The following ANKIB1 variants were observed in gnomAD, a reference collection of about 807,000 sequenced individuals.
The protein encoded by ANKIB1 is ankyrin repeat and IBR domain-containing protein 1.
A neutral mutation model predicts 122.1 loss-of-function variants in ANKIB1; 43 were observed. The observed-to-expected ratio is 0.35, with a 90% CI of 0.28 to 0.45. The LOEUF is 0.45. ANKIB1 is among the 20% of genes least tolerant of loss of function. The probability of loss-of-function intolerance (pLI) is 1.00; values close to 1 mark genes in which losing one functional copy is unlikely to be tolerated. For missense variants in ANKIB1, 992 were observed against 1,329.5 expected, an observed-to-expected ratio of 0.75 and a Z score of 3.95; for synonymous variants, 390 against 442.0, an observed-to-expected ratio of 0.88 and a Z score of 1.48.
intron 4 of ANKIB1, among the ~76,000 whole-genome samples, chr7:92,320,319 T>G (rs1305597599): frequency 6.6e-6 from 1 of 152,184 alleles, no homozygotes; most frequent in Non-Finnish European, 1.5e-5. Context: ...TTTCTTCCCT[T>G]CTACTCTGAT....
At chr7:92,296,327 ATCC>A (rs1002246393) in intron 2 of ANKIB1, among the ~76,000 whole-genome samples, 10 of 151,880 alleles carry the variant, frequency 6.6e-5, no homozygotes, top group Non-Finnish European at 1.3e-4. Flanking sequence ...GACTCAAGCT[ATCC>A]TCCTACCTCA....
chr7:92,399,008 A>G lies in ANKIB1; in HGVS notation c.*59A>G, dbSNP rs1804961084. ...GTACAGATGGTATGCTAGGTGGAGT[A>G]TGCTTGATAGAGACTTTGATTCACT... On this transcript the variant is annotated 3_prime_UTR_variant, in exon 20 of 20. Transcript: ENST00000265742. 6.8e-7 allele frequency: 1 copy of G among 1,474,222 alleles called. No individual in the cohort carries two copies. Among genetic ancestry groups the G allele is most frequent in the Admixed American group, 2.6e-5 (1 of 39,206 alleles). 91.3% of individuals were successfully genotyped at this position (1,474,222 alleles called of 1,614,324 possible).
rs772951916 is a variant in ANKIB1, at chr7:92,352,531, G to A, written c.1286G>A (p.Arg429Lys). ...IKWCPTPGCD[R>K]AVRLTKQGSN... ...TGGTGTCCTACTCCAGGCTGTGACAGAGCAGTAAGACTAACGAAACAAGGG... is the reference window on the plus strand; with the variant it reads ...TGGTGTCCTACTCCAGGCTGTGACAAAGCAGTAAGACTAACGAAACAAGGG... The change falls in exon 9 of 20, where the codon AGA becomes AAA. Residue 429 changes from arginine to lysine, a missense_variant. Physicochemically the swap from Arg to Lys is conservative, Grantham distance 26. Around this residue, in one of 4 missense-constraint regions of ANKIB1, gnomAD observed 521 missense variants for 777.7 expected, o/e 0.67. Coordinates refer to ENST00000265742, the MANE Select transcript of ANKIB1 (RefSeq NM_019004.2). The A allele has an allele frequency of 1.2e-6, 2 of 1,613,852 alleles. No homozygotes were observed. Among genetic ancestry groups the A allele is most frequent in the Non-Finnish European group, 1.7e-6 (2 of 1,179,826 alleles).
At chr7:92,273,209 G>A (rs1801834142) in intron 1 of ANKIB1, among the ~76,000 whole-genome samples, 1 of 152,152 alleles carries the variant, frequency 6.6e-6, no homozygotes, top group African/African-American at 2.4e-5. Context: ...ACTTATTTGA[G>A]CATGAACAAT....
chr7:92,271,728 A>C (rs889785242), intron 1 of ANKIB1, among the ~76,000 whole-genome samples: 6 of 152,250 alleles, frequency 3.9e-5, no homozygotes, highest in Non-Finnish European at 8.8e-5. Context: ...ATTGAGTAGA[A>C]TATTCGGAAG....
intron 1 of ANKIB1, among the ~76,000 whole-genome samples, chr7:92,261,583 G>A (rs1025938870): frequency 1.5e-4 from 23 of 152,194 alleles, no homozygotes; most frequent in African/African-American, 5.3e-4. Flanking sequence ...TAACTTTAAA[G>A]CCATAGCTTT....
chr7:92,347,142 C>G (rs528185826), intron 7 of ANKIB1, among the ~76,000 whole-genome samples: 3 of 152,270 alleles, frequency 2.0e-5, no homozygotes, highest in Non-Finnish European at 4.4e-5. Context: ...CTTATTCTTC[C>G]CAAACTTTTT....
chr7:92,274,300 C>T (rs1299280160), intron 1 of ANKIB1, among the ~76,000 whole-genome samples: 3 of 152,082 alleles, frequency 2.0e-5, no homozygotes, highest in South Asian at 2.1e-4. Flanking sequence ...AACCTAAGCT[C>T]ACCTTAGAGC....
Position 92,296,513 on chromosome 7 carries a change from C to G in ANKIB1, c.188+1347C>G, listed in dbSNP as rs1420139068. Among the ~76,000 whole-genome samples, 3 of 152,144 alleles carry G rather than the reference C, an allele frequency of 2.0e-5. No individual in the cohort carries two copies. In the South Asian group the frequency reaches 6.2e-4, roughly 31 times the overall value. The stretch of plus-strand genomic sequence containing the variant: ...GGGTCTTTTTTATCTAAATTTTGCT[C>G]TTCAAGATCCTGTGTGTGCCACATC... On this transcript the variant is annotated intron_variant, in intron 2 of 19. Coordinates refer to ENST00000265742, the MANE Select transcript of ANKIB1 (RefSeq NM_019004.2).
chr7:92,343,539 A>C (rs1803477039), intron 6 of ANKIB1, among the ~76,000 whole-genome samples: 1 of 152,176 alleles, frequency 6.6e-6, no homozygotes, highest in African/African-American at 2.4e-5. Context: ...TTAATGATTT[A>C]AATACAGGCC....
At position 92,347,808 on chromosome 7, in the gene ANKIB1, T is replaced by C. The variant is rs548396361; in HGVS notation, c.1085+2742T>C. 281 of 199,184 alleles carry C rather than the reference T, an allele frequency of 1.4e-3. 1 individual carries two copies. Among genetic ancestry groups the C allele is most frequent in the Admixed American group, 2.3e-3 (37 of 16,016 alleles). 12.3% of individuals were successfully genotyped at this position (199,184 alleles called of 1,614,324 possible). On this transcript the variant is annotated intron_variant, in intron 7 of 19. Transcript: ENST00000265742. ...CTGCCTGTTCCTCAGTTTCCTAATCTATAAAGTGGTGATAATAGTATGTGC... is the reference window on the plus strand; with the variant it reads ...CTGCCTGTTCCTCAGTTTCCTAATCCATAAAGTGGTGATAATAGTATGTGC...
intron 5 of ANKIB1, among the ~76,000 whole-genome samples, chr7:92,339,651 G>A (rs1803392775): frequency 6.6e-6 from 1 of 152,152 alleles, no homozygotes; most frequent in African/African-American, 2.4e-5. Context: ...TACAAGCTCT[G>A]CCCTTAAATA....
At chr7:92,327,373 C>T (rs986405524) in intron 4 of ANKIB1, among the ~76,000 whole-genome samples, 3 of 152,170 alleles carry the variant, frequency 2.0e-5, no homozygotes, top group Non-Finnish European at 4.4e-5. Flanking sequence ...GTACAGTCAT[C>T]CCTCAGTATC....
chr7:92,300,205 T>A (rs1802433391), intron 2 of ANKIB1, among the ~76,000 whole-genome samples: 1 of 152,210 alleles, frequency 6.6e-6, no homozygotes, highest in African/African-American at 2.4e-5. Context: ...TGTCTGTCCC[T>A]GTCATGTGGT....
chr7:92,346,239 A>G (rs1803536994), intron 7 of ANKIB1, among the ~76,000 whole-genome samples: 1 of 151,102 alleles, frequency 6.6e-6, no homozygotes, highest in South Asian at 2.1e-4. Context: ...AGCGATTCTC[A>G]TTGCCTCTGC....
At chr7:92,324,994 G>A (rs1016474790) in intron 4 of ANKIB1, among the ~76,000 whole-genome samples, 3 of 152,178 alleles carry the variant, frequency 2.0e-5, no homozygotes, top group Non-Finnish European at 4.4e-5. Flanking sequence ...TGGAGAGTGG[G>A]AACTGCTATA....
chr7:92,312,788 A>G (rs1188914844), intron 3 of ANKIB1, among the ~76,000 whole-genome samples: 1 of 152,208 alleles, frequency 6.6e-6, no homozygotes, highest in African/African-American at 2.4e-5. Context: ...CTTAAAAAGT[A>G]CTATGTAATG....
intron 5 of ANKIB1, among the ~76,000 whole-genome samples, chr7:92,334,857 T>C (rs1340167604): frequency 2.0e-5 from 3 of 151,986 alleles, no homozygotes; most frequent in Non-Finnish European, 4.4e-5. Flanking sequence ...TTTTTTTCTT[T>C]TTGCTGTTGT....
Position 92,319,464 on chromosome 7 carries a change from C to G in ANKIB1, c.621C>G (p.Pro207=), listed in dbSNP as rs375124519. 2 of 1,612,656 alleles carry G rather than the reference C, an allele frequency of 1.2e-6. No individual in the cohort carries two copies. Among genetic ancestry groups the G allele is most frequent in the Admixed American group, 1.7e-5 (1 of 59,774 alleles). Residue 207 remains proline, a synonymous_variant, in exon 4 of 20, where the codon CCC becomes CCG. Coordinates refer to ENST00000265742, the MANE Select transcript of ANKIB1 (RefSeq NM_019004.2). ...CTCAAATGGTATTCTCACGGGATCC[C>G]GAGGCTGAAGAAATAGAAGCTGAAT... ...LESQMVFSRD[P]EAEEIEAEYA...
Sources: gnomAD v4.1 joint callset for allele counts (sites outside exome capture counted in the v4.1 genomes callset) on GRCh38, gnomAD v4.1.1 for gene constraint, gnomAD v4.1.1 regional missense constraint, MANE v1.5 for transcripts, NCBI Gene and HGNC (gene_info 2026-07-23, HGNC 2026-07-21) for gene names.